Variants in CLGN observed in about 807,000 individuals in gnomAD.
CLGN encodes the protein calmegin, also known as testis tissue sperm-binding protein Li 79P.
Under a neutral mutation model 79.1 loss-of-function variants are expected in CLGN, and 62 were observed. That is an observed-to-expected ratio of 0.78 (90% confidence interval 0.64 to 0.97). CLGN has a LOEUF of 0.97. CLGN is among the 50% of genes least tolerant of loss of function. CLGN has a pLI of 0.00. For synonymous variants in CLGN, 225 were observed against 224.7 expected (o/e 1.00, Z -0.01); for missense variants, 647 against 715.5 (o/e 0.90, Z 1.09).
chr4:140,405,726 T>C (rs1334904606), intron 5 of CLGN, among the ~76,000 whole-genome samples: 2 of 152,216 alleles, frequency 1.3e-5, no homozygotes, highest in Non-Finnish European at 2.9e-5. Flanking sequence ...TACTAGGCCA[T>C]AAGAATGGTT....
intron 2 of CLGN, among the ~76,000 whole-genome samples, chr4:140,411,263 T>C (rs1729205332): frequency 6.6e-6 from 1 of 152,066 alleles, no homozygotes; most frequent in Non-Finnish European, 1.5e-5. Flanking sequence ...TTATATATGA[T>C]GAAACTGGGA....
At chr4:140,411,365 T>G (rs1729208145) in intron 2 of CLGN, among the ~76,000 whole-genome samples, 1 of 152,014 alleles carries the variant, frequency 6.6e-6, no homozygotes. Context: ...GCTCATACAT[T>G]TTTACTACAT....
chr4:140,412,844 A>G, intron 2 of CLGN, 91 bp downstream of exon 2: 2 of 1,134,836 alleles, frequency 1.8e-6, no homozygotes, highest in South Asian at 3.5e-5. Flanking sequence ...TAAAATGAAG[A>G]TTATTTGAAC....
Position 140,405,928 on chromosome 4 carries a change from A to C in CLGN, c.419+14T>G, listed in dbSNP as rs1232709699. On this transcript the variant is annotated intron_variant, in intron 5 of 14. Transcript: ENST00000325617. ...AAATTCAGAAAAAGTATTCAAAAAC[A>C]TAGCAACACTTACTGAACTATCAAG... The C allele has an allele frequency of 3.1e-6, 5 of 1,589,838 alleles. No individual in the cohort carries two copies. The highest frequency in any genetic ancestry group is 4.3e-6 in the Non-Finnish European group (5 of 1,171,774).
At position 140,388,545 on chromosome 4, in the gene CLGN, A is replaced by C. The variant is rs899856907; in HGVS notation, c.*679T>G. The C allele has an allele frequency of 2.6e-5, 4 of 151,888 alleles. No homozygotes were observed. The highest frequency in any genetic ancestry group is 6.6e-5 in the Admixed American group (1 of 15,252). The allele number at this position is 151,888 out of a possible 1,614,324, so 9.4% of individuals were successfully genotyped here. A position where few individuals can be genotyped will look rare whatever the true frequency, so the allele number is the denominator to read the frequency against. ...GGGTAAACCACTCTGGCATAAAGCAACTATAAAAACTTGAAAAAAAATCTG... is the reference window on the plus strand; with the variant it reads ...GGGTAAACCACTCTGGCATAAAGCACCTATAAAAACTTGAAAAAAAATCTG... On this transcript the variant is annotated 3_prime_UTR_variant, in exon 15 of 15. Transcript: ENST00000325617.
intron 4 of CLGN, 108 bp from the exon 5 acceptor site, chr4:140,406,191 A>G: frequency 9.5e-7 from 1 of 1,053,876 alleles, no homozygotes; most frequent in Non-Finnish European, 1.4e-6. Context: ...CTGACTTGGG[A>G]AAAATAAAAA....
chr4:140,415,088 T>G (rs956881415), intron 1 of CLGN, among the ~76,000 whole-genome samples: 2 of 151,978 alleles, frequency 1.3e-5, no homozygotes, highest in African/African-American at 4.8e-5. Flanking sequence ...GAATTTCATA[T>G]CCAGCCAAAC....
intron 14 of CLGN, among the ~76,000 whole-genome samples, chr4:140,390,203 C>A (rs191336186): frequency 1.3e-5 from 2 of 151,610 alleles, no homozygotes; most frequent in East Asian, 3.9e-4. Flanking sequence ...AGATAGTACT[C>A]AACTACCCAA....
intron 8 of CLGN, among the ~76,000 whole-genome samples, chr4:140,398,205 T>A (rs1181299762): frequency 4.0e-5 from 6 of 151,718 alleles, no homozygotes; most frequent in Non-Finnish European, 8.8e-5. Flanking sequence ...CTAACACATT[T>A]CAACAATCAG....
In CLGN at chr4:140,392,775, G is replaced by C. The variant is rs191963594; in HGVS notation, c.1366-64C>G. 234 of 1,431,096 alleles carry C rather than the reference G, an allele frequency of 1.6e-4. No homozygotes were observed. The African/African-American group carries it at 3.2e-3, about 20-fold the overall frequency. 88.6% of individuals were successfully genotyped at this position (1,431,096 alleles called of 1,614,324 possible). A position where few individuals can be genotyped will look rare whatever the true frequency, so the allele number is the denominator to read the frequency against. ...TACAAACCTTTACTGGGTAACACAA[G>C]ATACAAAAAAACTTATTTACTCAGG... On this transcript the variant is annotated intron_variant, in intron 11 of 14. Transcript: ENST00000325617.
chr4:140,390,645 ACTTATT>A lies in CLGN; in HGVS notation c.1729_1734del (p.Asn577_Lys578del). 1 of 1,595,520 alleles carries A rather than the reference ACTTATT, an allele frequency of 6.3e-7. No individual in the cohort carries two copies. The highest frequency in any genetic ancestry group is 8.5e-7 in the Non-Finnish European group (1 of 1,169,686). On this transcript the variant is annotated inframe_deletion, in exon 14 of 15. Coordinates refer to ENST00000325617, the MANE Select transcript of CLGN (RefSeq NM_004362.3). ...TCTGTTACCTCATCCTCTGACCCAG[ACTTATT>A]TGATTGATTACTTTCTTCTTGCCCT...
intron 6 of CLGN, 96 bp downstream of exon 6, chr4:140,401,889 A>G: frequency 1.5e-6 from 1 of 687,218 alleles, no homozygotes; most frequent in Non-Finnish European, 2.4e-6. Context: ...ATTCTTTTCA[A>G]TTTCAGTTGA....
chr4:140,411,421 T>C (rs952791181), intron 2 of CLGN, among the ~76,000 whole-genome samples: 1 of 152,114 alleles, frequency 6.6e-6, no homozygotes, highest in Non-Finnish European at 1.5e-5. Flanking sequence ...TAAAGACTGA[T>C]AAACTATCAA....
At chr4:140,419,321 T>C (rs942964092) in intron 1 of CLGN, among the ~76,000 whole-genome samples, 4 of 151,978 alleles carry the variant, frequency 2.6e-5, no homozygotes, top group Non-Finnish European at 1.5e-5. Flanking sequence ...ACCTGCACAA[T>C]GTGCACATGT....
chr4:140,395,732 A>G, intron 10 of CLGN, 87 bp downstream of exon 10: 2 of 1,167,414 alleles, frequency 1.7e-6, no homozygotes, highest in Admixed American at 3.0e-5. Flanking sequence ...GAAACTTCCA[A>G]AAGTTGACAT....
intron 14 of CLGN, among the ~76,000 whole-genome samples, chr4:140,390,011 A>G (rs1440775574): frequency 7.9e-5 from 12 of 151,760 alleles, no homozygotes; most frequent in Non-Finnish European, 1.8e-4. Flanking sequence ...ATGCTGGATT[A>G]AAAACAAAAA....
chr4:140,412,164 T>C (rs1160954344), intron 2 of CLGN, among the ~76,000 whole-genome samples: 1 of 152,158 alleles, frequency 6.6e-6, no homozygotes, highest in African/African-American at 2.4e-5. Flanking sequence ...AAACATACTA[T>C]TCACCTTAAA....
intron 12 of CLGN, 31 bp from the exon 13 acceptor site, chr4:140,392,409 A>C (rs1024886488): frequency 6.4e-7 from 1 of 1,567,746 alleles, no homozygotes; most frequent in Non-Finnish European, 8.6e-7. Flanking sequence ...TATTTTTACT[A>C]AAGGCAGAGT....
intron 1 of CLGN, among the ~76,000 whole-genome samples, chr4:140,417,757 G>A (rs372567368): frequency 3.5e-4 from 52 of 149,822 alleles, no homozygotes; most frequent in Admixed American, 9.3e-4. Flanking sequence ...AATCAATATC[G>A]TGAAAATGGC....
Sources: allele counts gnomAD v4.1 joint callset (sites outside exome capture counted in the v4.1 genomes callset), GRCh38; gene constraint gnomAD v4.1.1; transcripts MANE v1.5; gene names NCBI Gene and HGNC (gene_info 2026-07-23, HGNC 2026-07-21).